Variants in FREM2 observed in about 807,000 individuals in gnomAD.
FREM2 encodes FRAS1-related extracellular matrix protein 2.
Under a neutral mutation model 219.9 loss-of-function variants are expected in FREM2, and 119 were observed. The observed-to-expected ratio is 0.54, with a 90% CI of 0.47 to 0.63. The LOEUF is 0.63. FREM2 is among the 30% of genes least tolerant of loss of function. The pLI, the probability that FREM2 is intolerant of heterozygous loss-of-function variation, is 0.00. For synonymous variants in FREM2, 1,562 were observed against 1,522.8 expected (o/e 1.03, Z -0.60); for missense variants, 4,030 against 3,993.6 (o/e 1.01, Z -0.25).
intron 14 of FREM2, among the ~76,000 whole-genome samples, chr13:38,860,923 A>G (rs1050222070): frequency 2.6e-5 from 4 of 152,204 alleles, no homozygotes; most frequent in African/African-American, 9.6e-5. Context: ...TTGCTCTCTG[A>G]TTTTTAAGGA....
chr13:38,807,675 A>G (rs1317730876), intron 6 of FREM2, among the ~76,000 whole-genome samples: 1 of 151,934 alleles, frequency 6.6e-6, no homozygotes, highest in African/African-American at 2.4e-5. Flanking sequence ...TTTTTAAAGC[A>G]GTCCTTTTTT....
At chr13:38,728,300 C>A (rs1311060736) in intron 2 of FREM2, among the ~76,000 whole-genome samples, 2 of 152,056 alleles carry the variant, frequency 1.3e-5, no homozygotes, top group Non-Finnish European at 2.9e-5. Flanking sequence ...GATTAAAACT[C>A]TAGGGCTGAG....
rs773558632 is a variant in FREM2, at chr13:38,801,182, TTC to T, written c.6019+16376_6019+16377del. On this transcript the variant is annotated intron_variant, in intron 6 of 23. Transcript: ENST00000280481. ...TCAGTGAATTCCTCAGTTCCAGAAT[TTC>T]TGTTTGGTTGTTTAAAAAATTATTT... 4.6e-5 allele frequency among the ~76,000 whole-genome samples: 7 copies of T among 152,342 alleles called. No homozygotes were observed. The South Asian group carries it at 1.4e-3, about 32-fold the overall frequency.
intron 6 of FREM2, among the ~76,000 whole-genome samples, chr13:38,826,979 G>A (rs76349578): frequency 0.029 from 4,380 of 152,026 alleles, 101 homozygotes; most frequent in Non-Finnish European, 0.045. Context: ...TTTCTCTTAC[G>A]TAGAATATCA....
intron 5 of FREM2, among the ~76,000 whole-genome samples, chr13:38,783,473 T>TAAAAAAA (rs141521145): frequency 1.6e-5 from 2 of 124,054 alleles, no homozygotes; most frequent in Non-Finnish European, 3.4e-5. Flanking sequence ...GGTTACTATA[T>TAAAAAAA]AAAAAAAAAA....
chr13:38,826,231 CT>C (rs1302772531), intron 6 of FREM2, among the ~76,000 whole-genome samples: 14 of 152,072 alleles, frequency 9.2e-5, no homozygotes, highest in Non-Finnish European at 2.1e-4. Context: ...AGAAGAATAG[CT>C]TGGACCTGAA....
intron 2 of FREM2, among the ~76,000 whole-genome samples, chr13:38,716,694 G>A (rs111537137): frequency 0.12 from 18,969 of 152,078 alleles, 1,199 homozygotes; most frequent in South Asian, 0.2. Context: ...TTTTAGTAGA[G>A]ACAGGGTTTC....
intron 6 of FREM2, among the ~76,000 whole-genome samples, chr13:38,807,189 T>TATATATATATA (rs1555268805): frequency 0.044 from 1,971 of 45,246 alleles, 510 homozygotes; most frequent in Middle Eastern, 0.069. Context: ...CTTGTCTCTG[T>TATATATATATA]TATATATATA....
chr13:38,807,494 C>A (rs1417586509), intron 6 of FREM2, among the ~76,000 whole-genome samples: 1 of 150,616 alleles, frequency 6.6e-6, no homozygotes, highest in Admixed American at 6.6e-5. Flanking sequence ...GCAGCTATAG[C>A]CTTACAAAAT....
At chr13:38,870,874 A>G (rs567195534) in intron 16 of FREM2, among the ~76,000 whole-genome samples, 9 of 152,340 alleles carry the variant, frequency 5.9e-5, no homozygotes, top group African/African-American at 2.2e-4. Context: ...ATAACATTGG[A>G]AAAAATTATT....
intron 2 of FREM2, among the ~76,000 whole-genome samples, chr13:38,762,667 G>A (rs1008185081): frequency 2.0e-5 from 3 of 151,962 alleles, no homozygotes; most frequent in African/African-American, 7.3e-5. Context: ...TTGAACTCCC[G>A]ACCTCAGGTG....
chr13:38,832,581 A>T (rs778479422), intron 6 of FREM2, among the ~76,000 whole-genome samples: 1 of 152,128 alleles, frequency 6.6e-6, no homozygotes, highest in Non-Finnish European at 1.5e-5. Flanking sequence ...TTTTAATAAG[A>T]TATAATAATT....
intron 12 of FREM2, 75 bp downstream of exon 12, chr13:38,856,331 T>C (rs1039257853): frequency 1.0e-5 from 14 of 1,364,978 alleles, no homozygotes; most frequent in Non-Finnish European, 1.4e-5. Flanking sequence ...AATCACATAG[T>C]GTACAACAAA....
chr13:38,825,135 T>C lies in FREM2; in HGVS notation c.6020-21438T>C, dbSNP rs140743422. Among the ~76,000 whole-genome samples, 8 of 152,220 alleles carry C rather than the reference T, an allele frequency of 5.3e-5. No homozygotes were observed. In the East Asian group the frequency reaches 1.5e-3, roughly 29 times the overall value. ...ATATGTAAAGCACTTAGAATACCAATATGTTTAGCTGTCATTATTATTACT... is the reference window on the plus strand; with the variant it reads ...ATATGTAAAGCACTTAGAATACCAACATGTTTAGCTGTCATTATTATTACT... On this transcript the variant is annotated intron_variant, in intron 6 of 23. Coordinates refer to ENST00000280481, the MANE Select transcript of FREM2 (RefSeq NM_207361.6).
intron 2 of FREM2, among the ~76,000 whole-genome samples, chr13:38,713,396 G>A (rs551963969): frequency 6.6e-6 from 1 of 152,280 alleles, no homozygotes; most frequent in African/African-American, 2.4e-5. Context: ...GCACAAGAAT[G>A]TGAACATATA....
intron 11 of FREM2, among the ~76,000 whole-genome samples, chr13:38,853,187 G>T (rs1877435953): frequency 6.6e-6 from 1 of 151,470 alleles, no homozygotes; most frequent in Non-Finnish European, 1.5e-5. Context: ...AATTAGCCAG[G>T]CGTGGTGGCA....
intron 16 of FREM2, among the ~76,000 whole-genome samples, chr13:38,867,519 C>T (rs1247801407): frequency 6.6e-6 from 1 of 152,176 alleles, no homozygotes; most frequent in Admixed American, 6.5e-5. Context: ...GGGTTCTCCC[C>T]AGAGACAGAA....
At chr13:38,792,967 G>A (rs887204469) in intron 6 of FREM2, among the ~76,000 whole-genome samples, 2 of 152,006 alleles carry the variant, frequency 1.3e-5, no homozygotes, top group Non-Finnish European at 2.9e-5. Context: ...ATAATGTACC[G>A]CACAAATTTT....
In FREM2 at chr13:38,688,536, C is replaced by G. The variant is rs372777373; in HGVS notation, c.1192C>G (p.Pro398Ala). 5.3e-5 allele frequency: 86 copies of G among 1,613,840 alleles called. No homozygotes were observed. The highest frequency in any genetic ancestry group is 6.9e-5 in the Non-Finnish European group (82 of 1,179,938). ...LRLLKIAYQPPSEDSDQERLF... is the reference protein window; with the variant it reads ...LRLLKIAYQPASEDSDQERLF... Reference sequence around the variant, plus strand: ...GCTCCTGAAGATTGCCTACCAGCCCCCTTCTGAAGACTCTGACCAGGAGCG... The same window carrying G: ...GCTCCTGAAGATTGCCTACCAGCCCGCTTCTGAAGACTCTGACCAGGAGCG... Residue 398 changes from proline to alanine, a missense_variant, in exon 1 of 24, where the codon CCT becomes GCT. Around this residue, in one of 2 missense-constraint regions of FREM2, gnomAD observed 3,102 missense variants for 2,950.7 expected, o/e 1.05. Coordinates refer to ENST00000280481, the MANE Select transcript of FREM2 (RefSeq NM_207361.6).
Sources: allele counts gnomAD v4.1 joint callset (sites outside exome capture counted in the v4.1 genomes callset), GRCh38; gene constraint gnomAD v4.1.1; regional missense constraint gnomAD v4.1.1; transcripts MANE v1.5; gene names NCBI Gene and HGNC (gene_info 2026-07-23, HGNC 2026-07-21).